GOLGA8T: variants seen among roughly 807,000 people sequenced by gnomAD.
GOLGA8T encodes the protein golgin subfamily A member 8T.
GOLGA8T carries 17 observed loss-of-function variants against 52.0 expected under a neutral mutation model. The ratio of observed to expected loss-of-function variants is 0.33; its 90% CI spans 0.22 to 0.49. The LOEUF is 0.49. GOLGA8T is among the 20% of genes least tolerant of loss of function. GOLGA8T has a pLI of 0.99. For synonymous variants in GOLGA8T, 67 were observed against 169.5 expected, an observed-to-expected ratio of 0.40 and a Z score of 4.70; for missense variants, 154 against 462.1, an observed-to-expected ratio of 0.33 and a Z score of 6.11.
chr15:30,142,664 C>G (rs2057762333), intron 13 of GOLGA8T, among the ~76,000 whole-genome samples: 1 of 137,358 alleles, frequency 7.3e-6, no homozygotes, highest in Non-Finnish European at 1.5e-5. Context: ...ATGCCAGGTG[C>G]AGTGGCTCAT....
In GOLGA8T at chr15:30,143,610, A is replaced by G; in HGVS notation, c.1205A>G (p.His402Arg). Residue 402 changes from histidine (H) to arginine (R), a missense_variant, in exon 14 of 19, where the codon CAC (histidine) becomes CGC (arginine). Around this residue, in one of 6 missense-constraint regions of GOLGA8T, gnomAD observed 54 missense variants for 51.5 expected, o/e 1.05. Transcript: ENST00000569052. Reference sequence around the variant, plus strand: ...CACTCTGTCCTGGCCCCTCAGGAGCACCTGGAAGCTGCCAGCCAGCAGAAC... The same window carrying G: ...CACTCTGTCCTGGCCCCTCAGGAGCGCCTGGAAGCTGCCAGCCAGCAGAAC... ...KELQEKLGEE[H>R]LEAASQQNQQ... 6.3e-7 allele frequency: 1 copy of G among 1,586,728 alleles called. No individual in the cohort carries two copies.
In GOLGA8T at chr15:30,137,948, G is replaced by GCAC; in HGVS notation, c.228+9_228+10insACC. ...ACCCTGAAAGATCTGGAGGTAAGAG[G>GCAC]CTCTGGGCGGAGGTGCAGTGACCCT... On this transcript the variant is annotated intron_variant, in intron 3 of 18. Coordinates refer to ENST00000569052, the MANE Select transcript of GOLGA8T (RefSeq NM_001355469.2). 3.6e-6 allele frequency: 1 copy of GCAC among 279,162 alleles called. No individual in the cohort carries two copies. Among genetic ancestry groups the GCAC allele is most frequent in the Non-Finnish European group, 6.0e-6 (1 of 165,378 alleles). 17.3% of individuals were successfully genotyped at this position (279,162 alleles called of 1,614,324 possible).
chr15:30,137,174 G>A lies in GOLGA8T; in HGVS notation c.168+189G>A, dbSNP rs556361611. On this transcript the variant is annotated intron_variant, in intron 2 of 18. Transcript: ENST00000569052. Reference sequence around the variant, plus strand: ...AGGCGGATCATGAGGTCAGGAGATCGAGACCATCCTGGTTAACACGGTGAA... The same window carrying A: ...AGGCGGATCATGAGGTCAGGAGATCAAGACCATCCTGGTTAACACGGTGAA... Among the ~76,000 whole-genome samples, 22 of 146,032 alleles carry A rather than the reference G, an allele frequency of 1.5e-4. No individual in the cohort carries two copies. The South Asian group carries it at 2.6e-3, about 17-fold the overall frequency.
rs2057698237 is a variant in GOLGA8T, at chr15:30,136,981, G to C, written c.164G>C (p.Arg55Thr). The change falls in exon 2 of 19, where the codon AGG becomes ACG. Residue 55 changes from arginine to threonine, a missense_variant. Physicochemically the swap from Arg to Thr is moderately conservative, Grantham distance 71 (BLOSUM62 -1). Coordinates refer to ENST00000569052, the MANE Select transcript of GOLGA8T (RefSeq NM_001355469.2). ...ACTTCTGGTGGTTGCCAGCCACCTA[G>C]GGATGTGAGTCTTGGCTGACCAGGC... ...KATSGGCQPP[R>T]DSATGFHREG... 9.2e-7 allele frequency: 1 copy of C among 1,082,472 alleles called. No homozygotes were observed. Among genetic ancestry groups the C allele is most frequent in the East Asian group, 2.6e-5 (1 of 37,898 alleles). 67.1% of individuals were successfully genotyped at this position (1,082,472 alleles called of 1,614,324 possible).
Position 30,137,236 on chromosome 15 carries a change from A to C in GOLGA8T, c.168+251A>C, listed in dbSNP as rs1398359505. Among the ~76,000 whole-genome samples the C allele has an allele frequency of 3.1e-3, 459 of 147,170 alleles. 16 individuals are homozygous for C. Among genetic ancestry groups the C allele is most frequent in the African/African-American group, 9.0e-3 (347 of 38,548 alleles). On this transcript the variant is annotated intron_variant, in intron 2 of 18. Coordinates refer to ENST00000569052, the MANE Select transcript of GOLGA8T (RefSeq NM_001355469.2). ...ACTAAAAATACAAAAACATTAGCCA[A>C]GCGTGGTGGCGTGTGCCTGTAGTCC... is the stretch of plus-strand genomic sequence containing the variant.
rs1399137403 is a variant in GOLGA8T at position 30,140,253 on chromosome 15, G to T, written c.591+469G>T. The T allele has an allele frequency of 1.6e-3, 619 of 394,576 alleles. 14 individuals carry two copies. The highest frequency in any genetic ancestry group is 1.6e-3 in the Non-Finnish European group (346 of 217,656). 24.4% of individuals were successfully genotyped at this position (394,576 alleles called of 1,614,324 possible). On this transcript the variant is annotated intron_variant, in intron 8 of 18. Coordinates refer to ENST00000569052, the MANE Select transcript of GOLGA8T (RefSeq NM_001355469.2). ...AAAGTCAGGAGAGAGCAACAAGATGGCCGGGAGATACTTCCCTTCTGTACC... is the reference window on the plus strand; with the variant it reads ...AAAGTCAGGAGAGAGCAACAAGATGTCCGGGAGATACTTCCCTTCTGTACC...
intron 15 of GOLGA8T, 136 bp from the exon 16 acceptor site, chr15:30,144,643 G>C (rs1263775560): frequency 1.6e-6 from 2 of 1,227,910 alleles, no homozygotes; most frequent in South Asian, 3.1e-5. Context: ...TGTGAGTAGG[G>C]AGACCCACTG....
In GOLGA8T at chr15:30,148,471, A is replaced by G; in HGVS notation, c.*2904A>G. ...TTTAAAATAATATAACTATTAAAAA[A>G]TGTAACTGCTATCTTAATGTTCTGA... On this transcript the variant is annotated 3_prime_UTR_variant, in exon 19 of 19. Transcript: ENST00000569052. 7.8e-6 allele frequency among the ~76,000 whole-genome samples: 1 copy of G among 128,554 alleles called. No homozygotes were observed. Among genetic ancestry groups the G allele is most frequent in the Non-Finnish European group, 1.6e-5 (1 of 64,254 alleles). 84.3% of individuals were successfully genotyped at this position (128,554 alleles called of 152,430 possible). A position where few individuals can be genotyped will look rare whatever the true frequency, so the allele number is the denominator to read the frequency against.
rs2057846299 is a variant in GOLGA8T, at chr15:30,148,511, T to G, written c.*2944T>G. The stretch of plus-strand genomic sequence containing the variant: ...TAATGTTCTGAAATAATTTAAAACA[T>G]TTTAAAATATGAATACTGTAGTATA... On this transcript the variant is annotated 3_prime_UTR_variant, in exon 19 of 19. Coordinates refer to ENST00000569052, the MANE Select transcript of GOLGA8T (RefSeq NM_001355469.2). Among the ~76,000 whole-genome samples the G allele has an allele frequency of 7.8e-6, 1 of 128,760 alleles. No homozygotes were observed. The highest frequency in any genetic ancestry group is 1.6e-5 in the Non-Finnish European group (1 of 63,664). The allele number at this position is 128,760 out of a possible 152,430, so 84.5% of individuals were successfully genotyped here.
chr15:30,140,585 T>C (rs201599558), intron 8 of GOLGA8T, among the ~76,000 whole-genome samples: 10,058 of 138,682 alleles, frequency 0.073, 723 homozygotes, highest in South Asian at 0.15. Context: ...GTTCAAACAG[T>C]GGTAATAATA....
chr15:30,140,763 A>T lies in GOLGA8T; in HGVS notation c.592-79A>T, dbSNP rs928850685. The T allele has an allele frequency of 9.1e-6, 10 of 1,097,092 alleles. No homozygotes were observed. The Admixed American group carries it at 1.4e-4, about 15-fold the overall frequency. The allele number at this position is 1,097,092 out of a possible 1,614,324, so 68.0% of individuals were successfully genotyped here. On this transcript the variant is annotated intron_variant, in intron 8 of 18. Coordinates refer to ENST00000569052, the MANE Select transcript of GOLGA8T (RefSeq NM_001355469.2). Reference sequence around the variant, plus strand: ...ACTGACCGAGTTGTATATTGGGCCTAGCCCTAGCCCTTTTAAGGGGCACTG... The same window carrying T: ...ACTGACCGAGTTGTATATTGGGCCTTGCCCTAGCCCTTTTAAGGGGCACTG...
Position 30,142,507 on chromosome 15 carries a change from C to G in GOLGA8T, c.1200+125C>G, listed in dbSNP as rs1000397584. 91 of 1,505,114 alleles carry G rather than the reference C, an allele frequency of 6.0e-5. 1 individual carries two copies. Among genetic ancestry groups the G allele is most frequent in the Non-Finnish European group, 7.2e-5 (81 of 1,128,296 alleles). The allele number at this position is 1,505,114 out of a possible 1,614,324, so 93.2% of individuals were successfully genotyped here. A position where few individuals can be genotyped will look rare whatever the true frequency, so the allele number is the denominator to read the frequency against. ...TGGGGGCTGGTGACCACAGCACCCC[C>G]CAGGGCAGTCCTGTTTCTTGCTTCC... On this transcript the variant is annotated intron_variant, in intron 13 of 18. Transcript: ENST00000569052.
At chr15:30,140,245 A>ACAAGATG (rs2057724709) in intron 8 of GOLGA8T, 1 of 404,612 alleles carries the variant, frequency 2.5e-6, no homozygotes, top group Non-Finnish European at 4.5e-6. Flanking sequence ...GGAGAGAGCA[A>ACAAGATG]CAAGATGGCC....
Position 30,142,496 on chromosome 15 carries a change from C to A in GOLGA8T, c.1200+114C>A, listed in dbSNP as rs895903584. The A allele has an allele frequency of 2.6e-6, 4 of 1,520,358 alleles. 1 individual carries two copies. In the South Asian group the frequency reaches 3.6e-5, roughly 14 times the overall value. The allele number at this position is 1,520,358 out of a possible 1,614,324, so 94.2% of individuals were successfully genotyped here. A position where few individuals can be genotyped will look rare whatever the true frequency, so the allele number is the denominator to read the frequency against. On this transcript the variant is annotated intron_variant, in intron 13 of 18. Coordinates refer to ENST00000569052, the MANE Select transcript of GOLGA8T (RefSeq NM_001355469.2). ...AGCTTCCAGCCTGGGGGCTGGTGAC[C>A]ACAGCACCCCCCAGGGCAGTCCTGT...
rs771202146 is a variant in GOLGA8T at position 30,144,867 on chromosome 15, G to A, written c.1457G>A (p.Arg486Lys). Residue 486 changes from arginine to lysine, a missense_variant, in exon 16 of 19, where the codon AGA becomes AAA. Around this residue, in one of 6 missense-constraint regions of GOLGA8T, gnomAD observed 17 missense variants for 26.0 expected, o/e 0.65. Coordinates refer to ENST00000569052, the MANE Select transcript of GOLGA8T (RefSeq NM_001355469.2). ...ELCFIHHWRD[R>K]RHQKTHHLLS... ...TGCTTCATCCACCACTGGCGAGACA[G>A]ACGCCATCAGTGAGTGGGAGGCCAG... 1.3e-5 allele frequency: 21 copies of A among 1,586,370 alleles called. 1 individual carries two copies. Among genetic ancestry groups the A allele is most frequent in the Non-Finnish European group, 3.4e-6 (4 of 1,172,240 alleles).
At position 30,145,511 on chromosome 15, in the gene GOLGA8T, A is replaced by G; in HGVS notation, c.1840A>G (p.Ser614Gly). The change falls in exon 19 of 19, where the codon AGC becomes GGC. Residue 614 changes from serine (S) to glycine (G), a missense_variant. By Grantham distance (56) the Ser-to-Gly change is moderately conservative (BLOSUM62 0). Around this residue, in one of 6 missense-constraint regions of GOLGA8T, gnomAD observed 22 missense variants for 181.2 expected, o/e 0.12. Coordinates refer to ENST00000569052, the MANE Select transcript of GOLGA8T (RefSeq NM_001355469.2). ...QDHQEHPGLGSNCCVPFLCWA... is the reference protein window; with the variant it reads ...QDHQEHPGLGGNCCVPFLCWA... ...CCACCAGGAGCACCCAGGCTTGGGC[A>G]GCAACTGCTGTGTGCCATTCTTGTG... 1 of 1,545,296 alleles carries G rather than the reference A, an allele frequency of 6.5e-7. No individual in the cohort carries two copies. The highest frequency in any genetic ancestry group is 1.1e-5 in the South Asian group (1 of 87,958).
intron 8 of GOLGA8T, among the ~76,000 whole-genome samples, 186 bp from the exon 9 acceptor site, chr15:30,140,656 T>C (rs4042384): frequency 1.4e-5 from 2 of 145,790 alleles, no homozygotes; most frequent in Admixed American, 1.3e-4. Flanking sequence ...CAGCTATAAA[T>C]TCAATCTCAT....
chr15:30,140,914 G>T lies in GOLGA8T; in HGVS notation c.664G>T (p.Val222Leu), dbSNP rs1208133518. 10 of 1,556,922 alleles carry T rather than the reference G, an allele frequency of 6.4e-6. 1 individual carries two copies. In the South Asian group the frequency reaches 1.0e-4, roughly 16 times the overall value. Reference protein sequence around the residue: ...QSMREETLLKVQLTQLKESFQ... With the variant: ...QSMREETLLKLQLTQLKESFQ... ...CATGCGGGAGGAGACACTACTGAAA[G>T]TGCAGCTGACACAGGTGAGGTTTTC... Residue 222 changes from valine to leucine, a missense_variant, in exon 9 of 19, where the codon GTG becomes TTG. Coordinates refer to ENST00000569052, the MANE Select transcript of GOLGA8T (RefSeq NM_001355469.2).
At position 30,142,510 on chromosome 15, in the gene GOLGA8T, G is replaced by A. The variant is rs2057759022; in HGVS notation, c.1200+128G>A. 6 of 1,506,566 alleles carry A rather than the reference G, an allele frequency of 4.0e-6. 1 individual carries two copies. The highest frequency in any genetic ancestry group is 5.0e-5 in the East Asian group (2 of 39,700). 93.3% of individuals were successfully genotyped at this position (1,506,566 alleles called of 1,614,324 possible). A position where few individuals can be genotyped will look rare whatever the true frequency, so the allele number is the denominator to read the frequency against. ...GGGCTGGTGACCACAGCACCCCCCAGGGCAGTCCTGTTTCTTGCTTCCTGC... is the reference window on the plus strand; with the variant it reads ...GGGCTGGTGACCACAGCACCCCCCAAGGCAGTCCTGTTTCTTGCTTCCTGC... On this transcript the variant is annotated intron_variant, in intron 13 of 18. Transcript: ENST00000569052.
Sources: allele counts gnomAD v4.1 joint callset (sites outside exome capture counted in the v4.1 genomes callset), GRCh38; gene constraint gnomAD v4.1.1; regional missense constraint gnomAD v4.1.1; transcripts MANE v1.5; gene names NCBI Gene and HGNC (gene_info 2026-07-23, HGNC 2026-07-21).